The following PRSS16 variants were observed in gnomAD, a reference collection of about 807,000 sequenced individuals.
The protein encoded by PRSS16 is thymus-specific serine protease.
Under a neutral mutation model 61.7 loss-of-function variants are expected in PRSS16, and 43 were observed. That is an observed-to-expected ratio of 0.70 (90% CI 0.55 to 0.90). PRSS16 has a LOEUF of 0.90. PRSS16 is among the 40% of genes least tolerant of loss of function. The probability of loss-of-function intolerance (pLI) is 0.00; values close to 1 mark genes in which losing one functional copy is unlikely to be tolerated. For synonymous variants in PRSS16, 273 were observed against 285.2 expected, an observed-to-expected ratio of 0.96 and a Z score of 0.43; for missense variants, 591 against 659.1, an observed-to-expected ratio of 0.90 and a Z score of 1.13.
Position 27,251,334 on chromosome 6 carries a change from G to A in PRSS16, c.717+70G>A. The A allele has an allele frequency of 1.3e-6, 2 of 1,514,750 alleles. No homozygotes were observed. Among genetic ancestry groups the A allele is most frequent in the Non-Finnish European group, 1.8e-6 (2 of 1,132,222 alleles). The allele number at this position is 1,514,750 out of a possible 1,614,324, so 93.8% of individuals were successfully genotyped here. ...GGCCTCGGATGCCAGGGAAGAGGAG[G>A]CCAGAGAAGGGCGAAACCTGCAACG... On this transcript the variant is annotated intron_variant, in intron 7 of 11. Transcript: ENST00000230582. This position sits in a 1 kb window ranked among gnomAD's most constrained non-coding sequence, Gnocchi z 5.6.
chr6:27,251,272 G>C lies in PRSS16; in HGVS notation c.717+8G>C. The C allele has an allele frequency of 6.2e-7, 1 of 1,601,730 alleles. No homozygotes were observed. Among genetic ancestry groups the C allele is most frequent in the Non-Finnish European group, 8.5e-7 (1 of 1,174,010 alleles). ...ATCGGCGGGTCCCTGGAGGTAGGAG[G>C]TGGGGCCTAGTCCGAGGGGGACTGG... On this transcript the variant is annotated splice_region_variant and intron_variant, in intron 7 of 11. Coordinates refer to ENST00000230582, the MANE Select transcript of PRSS16 (RefSeq NM_005865.4). This position sits in a 1 kb window ranked among gnomAD's most constrained non-coding sequence, Gnocchi z 5.6.
intron 9 of PRSS16, chr6:27,254,336 G>T (rs558440325): frequency 1.0e-5 from 2 of 192,132 alleles, no homozygotes; most frequent in South Asian, 1.5e-4. Flanking sequence ...TTTGAGCTCC[G>T]AGCATTCCAG....
At position 27,249,187 on chromosome 6, in the gene PRSS16, G is replaced by A; in HGVS notation, c.425G>A (p.Gly142Asp). ...RFYGLSIPAG[G>D]LEMAQLRFLS... ...TATGGCCTGAGTATACCTGCTGGAG[G>A]CCTGGAAATGGCCCAGCTCCGCTTC... The change falls in exon 4 of 12, where the codon GGC becomes GAC. Residue 142 changes from glycine to aspartate, a missense_variant. Physicochemically the swap from Gly to Asp is moderately conservative, Grantham distance 94. Transcript: ENST00000230582. 1 of 1,613,566 alleles carries A rather than the reference G, an allele frequency of 6.2e-7. No homozygotes were observed. Among genetic ancestry groups the A allele is most frequent in the Non-Finnish European group, 8.5e-7 (1 of 1,179,990 alleles).
intron 4 of PRSS16, 139 bp downstream of exon 4, chr6:27,249,368 T>C: frequency 8.9e-7 from 1 of 1,124,876 alleles, no homozygotes; most frequent in Non-Finnish European, 1.2e-6. Context: ...CTTCTGTGTT[T>C]CATAGGGTCT....
rs1361289841 is a variant in PRSS16 at position 27,251,845 on chromosome 6, T to G, written c.813T>G (p.Ala271=). ...AQAALRTELS[A]CGPLGRAENQ... The stretch of plus-strand genomic sequence containing the variant: ...CAGCATTGCGGACGGAGCTGAGCGC[T>G]TGCGGGCCCCTGGGCCGCGCTGAAA... Residue 271 remains alanine (A), a synonymous_variant, in exon 8 of 12, where the codon GCT becomes GCG. Coordinates refer to ENST00000230582, the MANE Select transcript of PRSS16 (RefSeq NM_005865.4). The surrounding 1 kb of genome is among the most constrained non-coding windows in gnomAD (Gnocchi z 5.6). 2 of 1,612,932 alleles carry G rather than the reference T, an allele frequency of 1.2e-6. No homozygotes were observed. Among genetic ancestry groups the G allele is most frequent in the Admixed American group, 3.3e-5 (2 of 59,928 alleles).
intron 4 of PRSS16, 142 bp from the exon 5 acceptor site, chr6:27,250,541 G>A (rs1759855853): frequency 3.2e-6 from 4 of 1,261,448 alleles, no homozygotes; most frequent in East Asian, 5.2e-5. Flanking sequence ...GAGAACACTT[G>A]GAAACACGTC....
chr6:27,253,198 G>A (rs1053530315), intron 9 of PRSS16: 3 of 516,682 alleles, frequency 5.8e-6, no homozygotes, highest in African/African-American at 3.8e-5. Context: ...TTCTTTCTCT[G>A]TGTCCCCATT....
rs777620217 is a variant in PRSS16 at position 27,251,735 on chromosome 6, T to C, written c.718-15T>C. 1 of 1,584,212 alleles carries C rather than the reference T, an allele frequency of 6.3e-7. No individual in the cohort carries two copies. Among genetic ancestry groups the C allele is most frequent in the Non-Finnish European group, 8.5e-7 (1 of 1,172,756 alleles). On this transcript the variant is annotated splice_polypyrimidine_tract_variant and intron_variant, in intron 7 of 11. Transcript: ENST00000230582. This position sits in a 1 kb window ranked among gnomAD's most constrained non-coding sequence, Gnocchi z 5.6. The stretch of plus-strand genomic sequence containing the variant: ...AGCCTAAGTCTTGGCGGACATCGCC[T>C]CTTGCTTCCCACAGTGCCGGGCGGC...
rs769853919 is a variant in PRSS16, at chr6:27,251,769, T to G, written c.737T>G (p.Val246Gly). The G allele has an allele frequency of 6.2e-7, 1 of 1,606,196 alleles. No homozygotes were observed. The highest frequency in any genetic ancestry group is 2.2e-5 in the East Asian group (1 of 44,814). ...CCACAGTGCCGGGCGGCGGTGTCCG[T>G]CGCCTTCGCTGAAGTGGAGCGGCGG... Reference protein sequence around the residue: ...GSLECRAAVSVAFAEVERRLR... With the variant: ...GSLECRAAVSGAFAEVERRLR... The change falls in exon 8 of 12, where the codon GTC (valine) becomes GGC (glycine). Residue 246 changes from valine to glycine, a missense_variant. By Grantham distance (109) the Val-to-Gly change is moderately radical (BLOSUM62 -3). Transcript: ENST00000230582. This position sits in a 1 kb window ranked among gnomAD's most constrained non-coding sequence, Gnocchi z 5.6.
At chr6:27,249,502 G>A (rs1175679151) in intron 4 of PRSS16, among the ~76,000 whole-genome samples, 1 of 152,140 alleles carries the variant, frequency 6.6e-6, no homozygotes. Flanking sequence ...CAGACCACCA[G>A]CATTCCTTAC....
At chr6:27,249,373 G>A (rs1759819954) in intron 4 of PRSS16, 144 bp downstream of exon 4, 1 of 1,101,698 alleles carries the variant, frequency 9.1e-7, no homozygotes, top group Admixed American at 2.7e-5. Flanking sequence ...GTGTTTCATA[G>A]GGTCTTGTTT....
intron 4 of PRSS16, among the ~76,000 whole-genome samples, chr6:27,250,286 T>G (rs142580265): frequency 6.6e-6 from 1 of 152,258 alleles, no homozygotes; most frequent in South Asian, 2.1e-4. Flanking sequence ...TCTTTGTGTC[T>G]GTTCTCTCTC....
At position 27,250,762 on chromosome 6, in the gene PRSS16, G is replaced by A; in HGVS notation, c.547G>A (p.Gly183Arg). 6.2e-7 allele frequency: 1 copy of A among 1,613,714 alleles called. No individual in the cohort carries two copies. Among genetic ancestry groups the A allele is most frequent in the Non-Finnish European group, 8.5e-7 (1 of 1,179,880 alleles). ...CTCCTCCAGCCCCTGGATCTGCTTC[G>A]GAGGCTCCTATGCCGGCTCCTTGGC... ...ISSSSPWICF[G>R]GSYAGSLAAW... is the part of the protein sequence containing the mutation. Residue 183 changes from glycine (G) to arginine (R), a missense_variant, in exon 5 of 12, where the codon GGA becomes AGA. Transcript: ENST00000230582.
Position 27,252,686 on chromosome 6 carries a change from A to G in PRSS16, c.1009-122A>G. 1 of 1,054,034 alleles carries G rather than the reference A, an allele frequency of 9.5e-7. No individual in the cohort carries two copies. Among genetic ancestry groups the G allele is most frequent in the Non-Finnish European group, 1.4e-6 (1 of 721,442 alleles). The allele number at this position is 1,054,034 out of a possible 1,614,324, so 65.3% of individuals were successfully genotyped here. On this transcript the variant is annotated intron_variant, in intron 8 of 11. Coordinates refer to ENST00000230582, the MANE Select transcript of PRSS16 (RefSeq NM_005865.4). The surrounding 1 kb of genome is among the most constrained non-coding windows in gnomAD (Gnocchi z 4.2). ...CCCCCTCTGACCACTGACTCCCAGG[A>G]GAACTCAGGAACTCACCCTTCTATT...
chr6:27,248,692 G>C (rs1211138368), intron 2 of PRSS16, among the ~76,000 whole-genome samples, 155 bp from the exon 3 acceptor site: 1 of 151,674 alleles, frequency 6.6e-6, no homozygotes, highest in African/African-American at 2.4e-5. Flanking sequence ...AGATGAACAG[G>C]GGAAAAGTGA....
chr6:27,255,464 A>G lies in PRSS16; in HGVS notation c.*149A>G. 1.4e-6 allele frequency: 1 copy of G among 736,326 alleles called. No homozygotes were observed. Among genetic ancestry groups the G allele is most frequent in the East Asian group, 2.7e-5 (1 of 36,744 alleles). 45.6% of individuals were successfully genotyped at this position (736,326 alleles called of 1,614,324 possible). A position where few individuals can be genotyped will look rare whatever the true frequency, so the allele number is the denominator to read the frequency against. ...CCGCACGTAATTGGCATGTGTCTGC[A>G]AACATCCTTATTCCCAACTTAAAGT... On this transcript the variant is annotated 3_prime_UTR_variant, in exon 12 of 12. Transcript: ENST00000230582. The surrounding 1 kb of genome is among the most constrained non-coding windows in gnomAD (Gnocchi z 4.4).
chr6:27,253,752 G>C (rs970690759), intron 9 of PRSS16: 2 of 197,338 alleles, frequency 1.0e-5, no homozygotes, highest in African/African-American at 4.7e-5. Context: ...TCTATAAAAT[G>C]GGAATACAAG....
Position 27,251,140 on chromosome 6 carries a change from G to A in PRSS16, c.669+21G>A. On this transcript the variant is annotated intron_variant, in intron 6 of 11. Transcript: ENST00000230582. This position sits in a 1 kb window ranked among gnomAD's most constrained non-coding sequence, Gnocchi z 5.6. Reference sequence around the variant, plus strand: ...ATGACGTAAGGATGGCGGGCAGCAGGTGCGGGACGGGGAGGGGTCCCAGCG... The same window carrying A: ...ATGACGTAAGGATGGCGGGCAGCAGATGCGGGACGGGGAGGGGTCCCAGCG... 1 of 1,614,106 alleles carries A rather than the reference G, an allele frequency of 6.2e-7. No homozygotes were observed.
At position 27,251,164 on chromosome 6, in the gene PRSS16, C is replaced by G. The variant is rs755109725; in HGVS notation, c.669+45C>G. ...GGTGCGGGACGGGGAGGGGTCCCAGCGGGCGGAGTCCCTTGACACTTCCGG... is the reference window on the plus strand; with the variant it reads ...GGTGCGGGACGGGGAGGGGTCCCAGGGGGCGGAGTCCCTTGACACTTCCGG... On this transcript the variant is annotated intron_variant, in intron 6 of 11. Coordinates refer to ENST00000230582, the MANE Select transcript of PRSS16 (RefSeq NM_005865.4). The surrounding 1 kb of genome is among the most constrained non-coding windows in gnomAD (Gnocchi z 5.6). The G allele has an allele frequency of 2.3e-5, 37 of 1,613,738 alleles. No homozygotes were observed. Among genetic ancestry groups the G allele is most frequent in the Non-Finnish European group, 2.5e-5 (30 of 1,179,920 alleles).
Sources: allele counts gnomAD v4.1 joint callset (sites outside exome capture counted in the v4.1 genomes callset), GRCh38; gene constraint gnomAD v4.1.1; non-coding constraint Gnocchi (gnomAD v3.1); transcripts MANE v1.5; gene names NCBI Gene and HGNC (gene_info 2026-07-23, HGNC 2026-07-21).